XYLB: variants seen among roughly 807,000 people sequenced by gnomAD.
XYLB encodes xylulokinase.
XYLB carries 62 observed loss-of-function variants against 78.7 expected under a neutral mutation model. That is an observed-to-expected ratio of 0.79 (90% CI 0.64 to 0.97). The LOEUF (loss-of-function observed/expected upper bound fraction) is 0.97. Ranked by LOEUF, XYLB falls within the 50% of genes least tolerant of loss-of-function variation. The pLI is 0.00. For synonymous variants in XYLB, 245 were observed against 247.4 expected (o/e 0.99, Z 0.09); for missense variants, 687 against 676.8 (o/e 1.02, Z -0.17).
intron 18 of XYLB, among the ~76,000 whole-genome samples, chr3:38,411,094 C>T (rs1454067828): frequency 5.3e-5 from 8 of 152,084 alleles, no homozygotes; most frequent in African/African-American, 7.2e-5. Context: ...ATGTTTATTG[C>T]GGCACTATTC....
At chr3:38,392,563 C>T (rs2125639559) in intron 15 of XYLB, among the ~76,000 whole-genome samples, 1 of 152,308 alleles carries the variant, frequency 6.6e-6, no homozygotes, top group Non-Finnish European at 1.5e-5. Flanking sequence ...TCCCAAAGTG[C>T]TGGGATTACA....
chr3:38,360,473 T>C, intron 3 of XYLB, 65 bp downstream of exon 3: 1 of 1,437,682 alleles, frequency 7.0e-7, no homozygotes, highest in Non-Finnish European at 9.4e-7. Flanking sequence ...CTCGGTGATT[T>C]GCTAGGAAGT....
chr3:38,409,953 A>G (rs1396585183), intron 18 of XYLB, among the ~76,000 whole-genome samples: 1 of 152,238 alleles, frequency 6.6e-6, no homozygotes, highest in Non-Finnish European at 1.5e-5. Context: ...AAATGGCCAT[A>G]CTGCCCAAGG....
intron 17 of XYLB, among the ~76,000 whole-genome samples, chr3:38,399,911 G>A (rs1481048094): frequency 2.6e-5 from 4 of 152,214 alleles, no homozygotes; most frequent in African/African-American, 9.7e-5. Flanking sequence ...CTGCGAGTAT[G>A]AGTGGAGATG....
chr3:38,362,826 C>G, intron 3 of XYLB, 111 bp from the exon 4 acceptor site: 1 of 803,256 alleles, frequency 1.2e-6, no homozygotes, highest in Admixed American at 3.1e-5. Context: ...TCTTCATCAT[C>G]TGCCCAGAGT....
downstream of XYLB, among the ~76,000 whole-genome samples, chr3:38,424,010 C>T (rs957836344): frequency 2.6e-5 from 4 of 152,184 alleles, no homozygotes; most frequent in African/African-American, 9.7e-5. Context: ...TCTAGGCATT[C>T]CTACCTCTGC....
Position 38,397,088 on chromosome 3 carries a change from T to C in XYLB, c.1367T>C (p.Phe456Ser). 1 of 1,614,180 alleles carries C rather than the reference T, an allele frequency of 6.2e-7. No homozygotes were observed. Among genetic ancestry groups the C allele is most frequent in the Non-Finnish European group, 8.5e-7 (1 of 1,180,014 alleles). The change falls in exon 17 of 19, where the codon TTT (phenylalanine) becomes TCT (serine). Residue 456 changes from phenylalanine to serine, a missense_variant. By Grantham distance (155) the Phe-to-Ser change is radical. Transcript: ENST00000207870. Reference protein sequence around the residue: ...REILQVLADVFDAPVYVIDTA... With the variant: ...REILQVLADVSDAPVYVIDTA... ...CCTTTTCAGGTGCTTGCAGATGTGTTTGATGCCCCGGTGTATGTTATAGAC... is the reference window on the plus strand; with the variant it reads ...CCTTTTCAGGTGCTTGCAGATGTGTCTGATGCCCCGGTGTATGTTATAGAC...
chr3:38,382,767 A>G (rs1346335676), intron 15 of XYLB, among the ~76,000 whole-genome samples: 1 of 152,216 alleles, frequency 6.6e-6, no homozygotes. Context: ...AAAGGCCCCC[A>G]TGGGCTCAGG....
chr3:38,425,054 G>A (rs1039823890), downstream of XYLB, among the ~76,000 whole-genome samples: 9 of 152,318 alleles, frequency 5.9e-5, 1 homozygote, highest in Middle Eastern at 6.8e-3. Context: ...TGCATTCCTC[G>A]TCTTTTACAG....
At chr3:38,368,521 G>A (rs116019249) in intron 8 of XYLB, among the ~76,000 whole-genome samples, 1,525 of 152,310 alleles carry the variant, frequency 0.01, 33 homozygotes, top group African/African-American at 0.033. Flanking sequence ...GTACTGGTTC[G>A]GGATCTCCCA....
the XYLB span, among the ~76,000 whole-genome samples, chr3:38,435,005 T>C: frequency 4.6e-5 from 7 of 152,164 alleles, no homozygotes; most frequent in South Asian, 1.5e-3. Context: ...CGTGTGGTGG[T>C]ACGTGCCTGT....
At chr3:38,390,374 T>C (rs1389266491) in intron 15 of XYLB, among the ~76,000 whole-genome samples, 1 of 151,846 alleles carries the variant, frequency 6.6e-6, no homozygotes, top group Non-Finnish European at 1.5e-5. Flanking sequence ...CCACCACACC[T>C]GGCTAAGTTT....
In XYLB at chr3:38,397,131, T is replaced by C. The variant is rs1707905675; in HGVS notation, c.1410T>C (p.Cys470=). ...TTATAGACACTGCCAACTCGGCCTGTGTGGGTTCTGCATACCGAGCTTTTC... is the reference window on the plus strand; with the variant it reads ...TTATAGACACTGCCAACTCGGCCTGCGTGGGTTCTGCATACCGAGCTTTTC... ...VYVIDTANSA[C]VGSAYRAFHG... The change falls in exon 17 of 19, where the codon TGT becomes TGC. Residue 470 remains cysteine, a synonymous_variant. Coordinates refer to ENST00000207870, the MANE Select transcript of XYLB (RefSeq NM_005108.4). The C allele has an allele frequency of 6.2e-7, 1 of 1,613,990 alleles. No individual in the cohort carries two copies. Among genetic ancestry groups the C allele is most frequent in the South Asian group, 1.1e-5 (1 of 91,084 alleles).
At chr3:38,402,258 T>C (rs1181055943) in intron 18 of XYLB, among the ~76,000 whole-genome samples, 2 of 152,198 alleles carry the variant, frequency 1.3e-5, no homozygotes, top group African/African-American at 2.4e-5. Flanking sequence ...TTTATTCTTG[T>C]CAGCAAACAG....
At chr3:38,386,970 A>C (rs1707407778) in intron 15 of XYLB, among the ~76,000 whole-genome samples, 1 of 152,144 alleles carries the variant, frequency 6.6e-6, no homozygotes, top group African/African-American at 2.4e-5. Context: ...CTTGACTTCT[A>C]ATGTTTCAGA....
At chr3:38,395,436 T>C (rs1378605150) in intron 15 of XYLB, 69 bp from the exon 16 acceptor site, 48 of 1,471,310 alleles carry the variant, frequency 3.3e-5, no homozygotes, top group Non-Finnish European at 4.4e-5. Context: ...TGAAGAACTC[T>C]GCAAAAACAG....
At chr3:38,424,843 G>A (rs748576780), downstream of XYLB, among the ~76,000 whole-genome samples, 9 of 152,176 alleles carry the variant, frequency 5.9e-5, no homozygotes, top group East Asian at 1.9e-4. Flanking sequence ...TACATAACTC[G>A]TATTAGAGGT....
chr3:38,409,798 A>C (rs1708496092), intron 18 of XYLB, among the ~76,000 whole-genome samples: 1 of 152,230 alleles, frequency 6.6e-6, no homozygotes, highest in South Asian at 2.1e-4. Context: ...TTCAAAGAGA[A>C]TAAAATACTT....
At chr3:38,407,867 C>G (rs987232289) in intron 18 of XYLB, among the ~76,000 whole-genome samples, 9 of 150,662 alleles carry the variant, frequency 6.0e-5, no homozygotes, top group African/African-American at 2.2e-4. Context: ...AATACAGGAG[C>G]ACCCAGATTC....
Sources: gnomAD v4.1 joint callset for allele counts (sites outside exome capture counted in the v4.1 genomes callset) on GRCh38, gnomAD v4.1.1 for gene constraint, MANE v1.5 for transcripts, NCBI Gene and HGNC (gene_info 2026-07-23, HGNC 2026-07-21) for gene names.